COL23A1: variants seen among roughly 807,000 people sequenced by gnomAD.
The protein encoded by COL23A1 is collagen alpha-1(XXIII) chain.
In COL23A1, 97 loss-of-function variants were observed where a neutral mutation model predicts 99.3. The observed-to-expected ratio is 0.98, with a 90% CI of 0.83 to 1.16. COL23A1 has a LOEUF of 1.16. COL23A1 is among the 50% of genes most tolerant of loss of function. The pLI is 0.00. For missense variants in COL23A1, 762 were observed against 757.4 expected, an observed-to-expected ratio of 1.01 and a Z score of -0.07; for synonymous variants, 320 against 308.2, an observed-to-expected ratio of 1.04 and a Z score of -0.40.
intron 1 of COL23A1, among the ~76,000 whole-genome samples, chr5:178,586,530 T>C (rs1764014672): frequency 6.6e-6 from 1 of 151,664 alleles, no homozygotes; most frequent in Non-Finnish European, 1.5e-5. Context: ...ACAAAATATG[T>C]CTGTGAAAGG....
At chr5:178,312,157 A>G (rs982150509) in intron 2 of COL23A1, among the ~76,000 whole-genome samples, 1 of 152,228 alleles carries the variant, frequency 6.6e-6, no homozygotes, top group African/African-American at 2.4e-5. Context: ...CACTTTGAGC[A>G]AAGTGCAAGG....
chr5:178,479,742 G>C (rs1757230807), intron 2 of COL23A1, among the ~76,000 whole-genome samples: 1 of 152,210 alleles, frequency 6.6e-6, no homozygotes, highest in Non-Finnish European at 1.5e-5. Context: ...CTTGAGAGAT[G>C]AACAACAAAA....
At chr5:178,268,885 T>C (rs751660737) in intron 6 of COL23A1, 129 bp from the exon 7 acceptor site, 4 of 877,738 alleles carry the variant, frequency 4.6e-6, no homozygotes, top group Non-Finnish European at 6.8e-6. Flanking sequence ...AAATTACACA[T>C]GAGCTCTCAG....
intron 2 of COL23A1, among the ~76,000 whole-genome samples, chr5:178,429,937 C>G (rs568581247): frequency 6.6e-6 from 1 of 152,316 alleles, no homozygotes; most frequent in African/African-American, 2.4e-5. Context: ...TCTGTCCCCA[C>G]TGACCGTGCC....
chr5:178,269,197 TTCTTA>T (rs1756080588), intron 6 of COL23A1, among the ~76,000 whole-genome samples: 2 of 152,102 alleles, frequency 1.3e-5, no homozygotes, highest in African/African-American at 4.8e-5. Flanking sequence ...TCTTTTTCCT[TTCTTA>T]TTTCTTAAAA....
intron 2 of COL23A1, among the ~76,000 whole-genome samples, chr5:178,424,639 A>T (rs981263661): frequency 1.2e-4 from 19 of 152,216 alleles, no homozygotes; most frequent in Admixed American, 9.8e-4. Context: ...GCAGGTCAGG[A>T]CTAATGGTCC....
chr5:178,478,613 G>GTGCC (rs1331046091), intron 2 of COL23A1, among the ~76,000 whole-genome samples: 25 of 152,210 alleles, frequency 1.6e-4, no homozygotes, highest in African/African-American at 6.0e-4. Flanking sequence ...AACGTTTCCT[G>GTGCC]TGCCTGCCAA....
intron 2 of COL23A1, among the ~76,000 whole-genome samples, chr5:178,322,704 G>A (rs114300156): frequency 1.2e-4 from 18 of 152,186 alleles, no homozygotes; most frequent in Admixed American, 1.2e-3. Flanking sequence ...ATGGGCATTT[G>A]TACCCAATCC....
At chr5:178,289,422 C>T (rs1581534312) in intron 4 of COL23A1, among the ~76,000 whole-genome samples, 1 of 152,194 alleles carries the variant, frequency 6.6e-6, no homozygotes, top group African/African-American at 2.4e-5. Context: ...TCTGGCCGGC[C>T]AGGAGAAGTT....
intron 2 of COL23A1, among the ~76,000 whole-genome samples, chr5:178,357,718 A>ATGTGTC (rs1438777350): frequency 8.2e-5 from 12 of 145,854 alleles, no homozygotes; most frequent in Non-Finnish European, 1.8e-4. Flanking sequence ...AAATGTGTGT[A>ATGTGTC]TGTGTGTGTG....
At chr5:178,385,382 T>A (rs1006538712) in intron 2 of COL23A1, among the ~76,000 whole-genome samples, 2 of 152,176 alleles carry the variant, frequency 1.3e-5, no homozygotes, top group Non-Finnish European at 2.9e-5. Context: ...CACGTCTTCA[T>A]GTCAGTAGGC....
intron 2 of COL23A1, among the ~76,000 whole-genome samples, chr5:178,521,081 A>G (rs1759915036): frequency 6.6e-6 from 1 of 152,208 alleles, no homozygotes. Context: ...ACAGCTTGTC[A>G]CTGTCCTGAA....
chr5:178,258,262 T>TATATATATATACACACACAC, intron 12 of COL23A1, among the ~76,000 whole-genome samples: 2 of 104,066 alleles, frequency 1.9e-5, no homozygotes, highest in African/African-American at 3.0e-5. Flanking sequence ...TATATATATA[T>TATATATATATACACACACAC]ACACATGCAA....
At chr5:178,466,982 T>C (rs553133278) in intron 2 of COL23A1, among the ~76,000 whole-genome samples, 1 of 152,254 alleles carries the variant, frequency 6.6e-6, no homozygotes, top group Non-Finnish European at 1.5e-5. Context: ...TAATAGTCCC[T>C]GTGTTGTTGA....
chr5:178,388,750 C>T (rs762974723), intron 2 of COL23A1, among the ~76,000 whole-genome samples: 2 of 152,200 alleles, frequency 1.3e-5, no homozygotes, highest in Admixed American at 6.5e-5. Context: ...CACTGGCATC[C>T]GATGCTGTCA....
At chr5:178,461,398 G>A (rs571646088) in intron 2 of COL23A1, among the ~76,000 whole-genome samples, 7 of 152,228 alleles carry the variant, frequency 4.6e-5, no homozygotes, top group South Asian at 2.1e-4. Context: ...GCCATCCCCA[G>A]TGCCTCTAGC....
At chr5:178,576,923 C>G (rs994870863) in intron 1 of COL23A1, among the ~76,000 whole-genome samples, 19 of 151,926 alleles carry the variant, frequency 1.3e-4, no homozygotes, top group Middle Eastern at 3.4e-3. Flanking sequence ...GCCGCTCTGC[C>G]GGGTCAGCCC....
chr5:178,579,851 A>T (rs1020665727), intron 1 of COL23A1, among the ~76,000 whole-genome samples: 1 of 152,158 alleles, frequency 6.6e-6, no homozygotes, highest in Non-Finnish European at 1.5e-5. Flanking sequence ...AAGCCAAATC[A>T]TTGTTTCCAC....
At chr5:178,435,325 C>T (rs1197633801) in intron 2 of COL23A1, among the ~76,000 whole-genome samples, 1 of 152,170 alleles carries the variant, frequency 6.6e-6, no homozygotes, top group Admixed American at 6.5e-5. Context: ...CTGACATTTG[C>T]AAACATGGAG....
Sources: gnomAD v4.1 joint callset for allele counts (sites outside exome capture counted in the v4.1 genomes callset) on GRCh38, gnomAD v4.1.1 for gene constraint, MANE v1.5 for transcripts, NCBI Gene and HGNC (gene_info 2026-07-23, HGNC 2026-07-21) for gene names.